Variants in NAALADL2 observed in about 807,000 individuals in gnomAD.
The protein encoded by NAALADL2 is inactive N-acetylated-alpha-linked acidic dipeptidase-like protein 2.
NAALADL2 carries 76 observed loss-of-function variants against 87.2 expected under a neutral mutation model. The observed-to-expected ratio is 0.87, with a 90% confidence interval of 0.72 to 1.05. The LOEUF (loss-of-function observed/expected upper bound fraction) is 1.05, where lower values mean the gene tolerates loss of function less well. Among genes scored for constraint, NAALADL2 ranks in the 50% least tolerant of loss-of-function variants. The pLI is 0.00. For synonymous variants in NAALADL2, 354 were observed against 331.0 expected (o/e 1.07, Z -0.75); for missense variants, 1,089 against 945.8 (o/e 1.15, Z -1.99).
intron 2 of NAALADL2, among the ~76,000 whole-genome samples, chr3:174,682,648 G>C (rs1727655948): frequency 6.6e-6 from 1 of 152,178 alleles, no homozygotes; most frequent in African/African-American, 2.4e-5. Flanking sequence ...GACCACCAAG[G>C]TGGTACTATA....
rs139533788 is a variant in NAALADL2, at chr3:175,067,028, A to G, written c.44-29762A>G. Among the ~76,000 whole-genome samples, 107 of 152,276 alleles carry G rather than the reference A, an allele frequency of 7.0e-4. 1 individual carries two copies. Among genetic ancestry groups the G allele is most frequent in the African/African-American group, 2.5e-3 (102 of 41,576 alleles). Reference sequence around the variant, plus strand: ...CTCAATACTGAATCCTCAGTTTGCTAAAAGAAGGTTGTGGATTCCTATTTT... The same window carrying G: ...CTCAATACTGAATCCTCAGTTTGCTGAAAGAAGGTTGTGGATTCCTATTTT... On this transcript the variant is annotated intron_variant, in intron 1 of 13. Transcript: ENST00000454872.
chr3:174,686,175 G>A (rs1240825480), intron 2 of NAALADL2, among the ~76,000 whole-genome samples: 2 of 151,920 alleles, frequency 1.3e-5, no homozygotes, highest in Non-Finnish European at 2.9e-5. Context: ...ATTCCTTTGG[G>A]CGTATACCCT....
At chr3:175,697,434 A>ACACACACACACAC (rs1560991895) in intron 11 of NAALADL2, among the ~76,000 whole-genome samples, 1 of 119,594 alleles carries the variant, frequency 8.4e-6, no homozygotes, top group Non-Finnish European at 1.8e-5. Flanking sequence ...CACACACACA[A>ACACACACACACAC]AACCCTACTT....
At chr3:175,033,539 T>A (rs1753030652) in intron 1 of NAALADL2, among the ~76,000 whole-genome samples, 1 of 152,144 alleles carries the variant, frequency 6.6e-6, no homozygotes, top group Non-Finnish European at 1.5e-5. Context: ...TTGTCAAGGT[T>A]ATCAGTCATC....
intron 1 of NAALADL2, among the ~76,000 whole-genome samples, chr3:175,049,946 C>T (rs74368446): frequency 0.011 from 1,602 of 152,088 alleles, 27 homozygotes; most frequent in African/African-American, 0.037. Context: ...AATAATAATC[C>T]CCAGCTGGGG....
intron 2 of NAALADL2, among the ~76,000 whole-genome samples, chr3:174,578,933 GA>G (rs895617523): frequency 3.2e-4 from 48 of 151,796 alleles, no homozygotes; most frequent in African/African-American, 1.1e-3. Flanking sequence ...TCTTACGAAA[GA>G]AAAAATATAG....
intron 13 of NAALADL2, among the ~76,000 whole-genome samples, chr3:175,802,472 G>A (rs1260499996): frequency 6.6e-6 from 1 of 150,484 alleles, no homozygotes; most frequent in Non-Finnish European, 1.5e-5. Flanking sequence ...ACACAAGGCA[G>A]CCACCACAAT....
intron 5 of NAALADL2, among the ~76,000 whole-genome samples, chr3:175,408,882 A>C (rs2149083586): frequency 6.6e-6 from 1 of 152,114 alleles, no homozygotes; most frequent in Non-Finnish European, 1.5e-5. Flanking sequence ...AGAAAATTGA[A>C]GTGAATGGAT....
chr3:175,699,712 A>G (rs963483867), intron 11 of NAALADL2, among the ~76,000 whole-genome samples: 6 of 151,860 alleles, frequency 4.0e-5, no homozygotes, highest in Non-Finnish European at 7.4e-5. Flanking sequence ...CATACAAATC[A>G]GTATATTTAT....
At chr3:175,629,587 T>C (rs1682855801) in intron 11 of NAALADL2, among the ~76,000 whole-genome samples, 1 of 151,668 alleles carries the variant, frequency 6.6e-6, no homozygotes, top group Non-Finnish European at 1.5e-5. Flanking sequence ...TGAGGCAATG[T>C]TGCCACGAGA....
intron 2 of NAALADL2, among the ~76,000 whole-genome samples, chr3:175,116,911 G>A (rs1725301997): frequency 3.3e-5 from 5 of 152,032 alleles, no homozygotes; most frequent in Admixed American, 3.3e-4. Flanking sequence ...TACCAAAACA[G>A]AGATATTGAA....
chr3:175,550,299 C>T (rs1367360651), intron 9 of NAALADL2, among the ~76,000 whole-genome samples: 1 of 152,050 alleles, frequency 6.6e-6, no homozygotes, highest in Non-Finnish European at 1.5e-5. Context: ...GGTTCCACTA[C>T]ACTGGAGACC....
intron 2 of NAALADL2, among the ~76,000 whole-genome samples, chr3:175,128,276 ATCTT>A (rs533659725): frequency 4.9e-4 from 74 of 152,312 alleles, no homozygotes; most frequent in African/African-American, 1.6e-3. Flanking sequence ...ATTAATTTCA[ATCTT>A]TCTTTAGAAA....
chr3:175,786,938 C>T (rs560753224), intron 13 of NAALADL2, among the ~76,000 whole-genome samples: 4 of 152,062 alleles, frequency 2.6e-5, no homozygotes, highest in Non-Finnish European at 5.9e-5. Flanking sequence ...ACAGACAGGA[C>T]CCTCAGCTGC....
chr3:174,520,030 G>C (rs764191461), intron 1 of NAALADL2, among the ~76,000 whole-genome samples: 2 of 152,102 alleles, frequency 1.3e-5, no homozygotes, highest in Admixed American at 1.3e-4. Flanking sequence ...TCTGTACAAG[G>C]AGAACTACAA....
chr3:175,437,042 G>A (rs1395818853), intron 5 of NAALADL2, among the ~76,000 whole-genome samples: 2 of 135,220 alleles, frequency 1.5e-5, no homozygotes, highest in Non-Finnish European at 3.1e-5. Context: ...GTGTAAGGAA[G>A]GGATCCAGTT....
intron 1 of NAALADL2, among the ~76,000 whole-genome samples, chr3:174,541,793 A>G (rs1186882068): frequency 6.6e-6 from 1 of 152,186 alleles, no homozygotes; most frequent in Non-Finnish European, 1.5e-5. Context: ...TGAGATAAAG[A>G]CACTGCTGAT....
chr3:175,726,260 A>AC (rs1742909859), intron 11 of NAALADL2, among the ~76,000 whole-genome samples: 1 of 103,376 alleles, frequency 9.7e-6, no homozygotes, highest in Non-Finnish European at 2.0e-5. Context: ...CTTACATTTG[A>AC]CCAAAAAAAA....
At chr3:175,610,594 A>C (rs543590391) in intron 10 of NAALADL2, among the ~76,000 whole-genome samples, 1 of 152,204 alleles carries the variant, frequency 6.6e-6, no homozygotes, top group African/African-American at 2.4e-5. Context: ...ATACTGTAAA[A>C]ATTCTATCAA....
Sources: gnomAD v4.1 joint callset for allele counts (sites outside exome capture counted in the v4.1 genomes callset) on GRCh38, gnomAD v4.1.1 for gene constraint, MANE v1.5 for transcripts, NCBI Gene and HGNC (gene_info 2026-07-23, HGNC 2026-07-21) for gene names.